CFI: variants seen among roughly 807,000 people sequenced by gnomAD.
CFI encodes the protein C3B/C4B inactivator.
CFI carries 66 observed loss-of-function variants against 78.8 expected under a neutral mutation model. The ratio of observed to expected loss-of-function variants is 0.84; its 90% confidence interval spans 0.69 to 1.03. CFI has a LOEUF of 1.03. Among genes scored for constraint, CFI ranks in the 50% least tolerant of loss-of-function variants. The pLI is 0.00. For missense variants in CFI, 706 were observed against 704.5 expected (o/e 1.00, Z -0.02); for synonymous variants, 250 against 232.6 (o/e 1.07, Z -0.68).
At chr4:109,791,721 T>G (rs1030346182) in intron 1 of CFI, among the ~76,000 whole-genome samples, 1 of 152,204 alleles carries the variant, frequency 6.6e-6, no homozygotes, top group African/African-American at 2.4e-5. Flanking sequence ...TGCTTCTTTT[T>G]GTCAGATTTG....
chr4:109,761,675 C>T lies in CFI; in HGVS notation c.500G>A (p.Arg167Lys), dbSNP rs1064795516. Residue 167 changes from arginine (R) to lysine (K), a missense_variant, in exon 4 of 13, where the codon AGA becomes AAA. Transcript: ENST00000394634. Reference sequence around the variant, plus strand: ...AGAGAGATCAGACAACTTAAACCTTCTTTGAGTATCAGCACCTCTGCAAAT... The same window carrying T: ...AGAGAGATCAGACAACTTAAACCTTTTTTGAGTATCAGCACCTCTGCAAAT... ...LGFQQGADTQ[R>K]RFKLSDLSIN... 1 of 1,612,400 alleles carries T rather than the reference C, an allele frequency of 6.2e-7. No homozygotes were observed. The highest frequency in any genetic ancestry group is 8.5e-7 in the Non-Finnish European group (1 of 1,178,662).
chr4:109,795,236 C>T (rs114478743), intron 1 of CFI, among the ~76,000 whole-genome samples: 3 of 152,126 alleles, frequency 2.0e-5, no homozygotes, highest in South Asian at 2.1e-4. Context: ...CAGGCCTGCC[C>T]GTGGACCACA....
chr4:109,740,691 C>T (rs752326428), downstream of CFI: 25 of 639,244 alleles, frequency 3.9e-5, no homozygotes, highest in Admixed American at 5.9e-4. Flanking sequence ...ATAAATAAAA[C>T]TTGTATGCTT....
At chr4:109,756,973 G>GAAAGAAAGAAAGAAAGA (rs1726378074) in intron 7 of CFI, among the ~76,000 whole-genome samples, 1 of 138,684 alleles carries the variant, frequency 7.2e-6, no homozygotes, top group African/African-American at 2.7e-5. Flanking sequence ...AAGAAAGAAA[G>GAAAGAAAGAAAGAAAGA]AAAGAAATTC....
chr4:109,747,476 A>C (rs887629733), intron 10 of CFI, among the ~76,000 whole-genome samples: 1 of 152,178 alleles, frequency 6.6e-6, no homozygotes, highest in African/African-American at 2.4e-5. Context: ...TTTTCAACTC[A>C]TAGTTTCAAG....
intron 1 of CFI, among the ~76,000 whole-genome samples, chr4:109,770,295 C>G (rs1728399699): frequency 6.6e-6 from 1 of 152,164 alleles, no homozygotes; most frequent in Non-Finnish European, 1.5e-5. Flanking sequence ...CACAGTGGCT[C>G]ACGCCTGTAA....
intron 7 of CFI, among the ~76,000 whole-genome samples, chr4:109,754,150 A>G (rs1345492482): frequency 6.6e-6 from 1 of 151,068 alleles, no homozygotes; most frequent in Non-Finnish European, 1.5e-5. Flanking sequence ...TGCCCGGCTA[A>G]TTTTTGTATT....
intron 6 of CFI, among the ~76,000 whole-genome samples, chr4:109,759,319 G>A (rs978061748): frequency 6.6e-6 from 1 of 151,590 alleles, no homozygotes; most frequent in South Asian, 2.1e-4. Context: ...GATAACTCTT[G>A]ATGAATAAAG....
chr4:109,753,827 T>C (rs1463366061), intron 7 of CFI, among the ~76,000 whole-genome samples: 1 of 52,758 alleles, frequency 1.9e-5, no homozygotes, highest in Non-Finnish European at 3.2e-5. Context: ...TTATATTATA[T>C]ATTATATAAT....
chr4:109,796,477 C>T (rs1272200394), intron 1 of CFI, among the ~76,000 whole-genome samples: 1 of 152,132 alleles, frequency 6.6e-6, no homozygotes, highest in African/African-American at 2.4e-5. Context: ...TTCTATACAT[C>T]AATAATGAAC....
intron 4 of CFI, among the ~76,000 whole-genome samples, chr4:109,761,047 G>A (rs1404085850): frequency 6.6e-6 from 1 of 152,138 alleles, no homozygotes; most frequent in African/African-American, 2.4e-5. Context: ...AAAGGAGTGG[G>A]TATAGGTTTG....
chr4:109,780,350 A>G (rs1729843364), intron 1 of CFI, among the ~76,000 whole-genome samples: 1 of 152,194 alleles, frequency 6.6e-6, no homozygotes, highest in Non-Finnish European at 1.5e-5. Flanking sequence ...ATGAAGAGAC[A>G]CTTCTCAAAA....
In CFI at chr4:109,741,003, C is replaced by G. The variant is rs7437875; in HGVS notation, c.1642G>C (p.Glu548Gln). The G allele has an allele frequency of 5.5e-4, 881 of 1,614,102 alleles. 1 individual carries two copies. The Middle Eastern group carries it at 7.1e-3, about 13-fold the overall frequency. The stretch of plus-strand genomic sequence containing the variant: ...GGGAACTCTGGTTTTCCACAGTTTT[C>G]CCCCCAACTCACAACACCCCAGACA... Reference protein sequence around the residue: ...TYVWGVVSWGENCGKPEFPGV... With the variant: ...TYVWGVVSWGQNCGKPEFPGV... The change falls in exon 13 of 13, where the codon GAA becomes CAA. Residue 548 changes from glutamate (E) to glutamine (Q), a missense_variant. Transcript: ENST00000394634.
At chr4:109,761,121 T>G (rs1397064910) in intron 4 of CFI, among the ~76,000 whole-genome samples, 1 of 152,230 alleles carries the variant, frequency 6.6e-6, no homozygotes, top group Non-Finnish European at 1.5e-5. Context: ...AAAGTCTCAA[T>G]GAATGCCTGA....
chr4:109,780,969 G>T lies in CFI; in HGVS notation c.58-14145C>A, dbSNP rs148595232. ...CAATGAAAACACTTGGACACAGGGT[G>T]GGGAACATCACACACTGGGGCCTGT... is the stretch of plus-strand genomic sequence containing the variant. On this transcript the variant is annotated intron_variant, in intron 1 of 12. Transcript: ENST00000394634. Among the ~76,000 whole-genome samples, 1,423 of 152,270 alleles carry T rather than the reference G, an allele frequency of 9.3e-3. 65 individuals carry two copies. The East Asian group carries it at 0.13, about 14-fold the overall frequency.
At chr4:109,752,017 C>T (rs1012760171) in intron 8 of CFI, among the ~76,000 whole-genome samples, 7 of 152,128 alleles carry the variant, frequency 4.6e-5, no homozygotes, top group Admixed American at 1.3e-4. Flanking sequence ...TGGCTTTTAG[C>T]GCACAACTGG....
intron 10 of CFI, among the ~76,000 whole-genome samples, chr4:109,748,227 C>G (rs1724715955): frequency 6.6e-6 from 1 of 152,116 alleles, no homozygotes; most frequent in South Asian, 2.1e-4. Context: ...GATTGTTTTT[C>G]AGGATCACAG....
intron 1 of CFI, among the ~76,000 whole-genome samples, chr4:109,800,164 A>C (rs1490479225): frequency 6.6e-6 from 1 of 152,044 alleles, no homozygotes; most frequent in African/African-American, 2.4e-5. Flanking sequence ...ATTCTGCTTA[A>C]CATTACCCCA....
chr4:109,762,709 A>G (rs1485073791), intron 3 of CFI: 1 of 152,248 alleles, frequency 6.6e-6, no homozygotes, highest in Non-Finnish European at 1.5e-5. Flanking sequence ...AGGCTGTGCC[A>G]TGAGAACAAA....
Sources: gnomAD v4.1 joint callset for allele counts (sites outside exome capture counted in the v4.1 genomes callset) on GRCh38, gnomAD v4.1.1 for gene constraint, MANE v1.5 for transcripts, NCBI Gene and HGNC (gene_info 2026-07-23, HGNC 2026-07-21) for gene names.